The following TMEM163 variants were observed in gnomAD, a reference collection of about 807,000 sequenced individuals.
The protein encoded by TMEM163 is transmembrane protein 163.
Under a neutral mutation model 29.3 loss-of-function variants are expected in TMEM163, and 17 were observed. The ratio of observed to expected loss-of-function variants is 0.58; its 90% CI spans 0.40 to 0.87. The LOEUF (loss-of-function observed/expected upper bound fraction) is 0.87. Ranked by LOEUF, TMEM163 falls within the 40% of genes least tolerant of loss-of-function variation. The pLI is 0.00. For synonymous variants in TMEM163, 157 were observed against 160.6 expected (o/e 0.98, Z 0.17); for missense variants, 303 against 381.5 (o/e 0.79, Z 1.71).
rs11683578 is a variant in TMEM163 at position 134,635,388 on chromosome 2, G to A, written c.322+77812C>T. Reference sequence around the variant, plus strand: ...GCCCCCTTAAAATATCTCCTACTTCGTTTGCTAAAGGAATAGCAATTCATC... The same window carrying A: ...GCCCCCTTAAAATATCTCCTACTTCATTTGCTAAAGGAATAGCAATTCATC... On this transcript the variant is annotated intron_variant, in intron 2 of 7. Coordinates refer to ENST00000281924, the MANE Select transcript of TMEM163 (RefSeq NM_030923.5). 5.1e-4 allele frequency among the ~76,000 whole-genome samples: 78 copies of A among 152,202 alleles called. 1 individual carries two copies. In the East Asian group the frequency reaches 0.014, roughly 27 times the overall value.
At chr2:134,651,956 T>C (rs1172055777) in intron 2 of TMEM163, among the ~76,000 whole-genome samples, 2 of 116,724 alleles carry the variant, frequency 1.7e-5, no homozygotes, top group Non-Finnish European at 3.4e-5. Context: ...AGCCTTGTAG[T>C]ATAGTTTGAA....
intron 5 of TMEM163, among the ~76,000 whole-genome samples, chr2:134,485,316 G>A (rs1348880851): frequency 6.6e-6 from 1 of 152,212 alleles, no homozygotes; most frequent in East Asian, 1.9e-4. Flanking sequence ...TGTACTGAAT[G>A]TGAAAAACAG....
At chr2:134,643,270 A>C (rs1323469521) in intron 2 of TMEM163, among the ~76,000 whole-genome samples, 1 of 152,120 alleles carries the variant, frequency 6.6e-6, no homozygotes, top group Non-Finnish European at 1.5e-5. Flanking sequence ...CTAAACTACC[A>C]AACTTTACTC....
intron 2 of TMEM163, among the ~76,000 whole-genome samples, chr2:134,652,031 C>G (rs1447189213): frequency 7.3e-6 from 1 of 137,890 alleles, no homozygotes; most frequent in Non-Finnish European, 1.5e-5. Context: ...GATGCGGGCT[C>G]TTTTTTGGTT....
At position 134,637,999 on chromosome 2, in the gene TMEM163, G is replaced by C. The variant is rs188787226; in HGVS notation, c.322+75201C>G. On this transcript the variant is annotated intron_variant, in intron 2 of 7. Transcript: ENST00000281924. The stretch of plus-strand genomic sequence containing the variant: ...GACTTAATGTGCATGGCTTAAAAAA[G>C]TAAACTGCACAAAACAGGGTTAAGT... Among the ~76,000 whole-genome samples the C allele has an allele frequency of 1.4e-4, 22 of 152,238 alleles. 1 individual carries two copies. Among genetic ancestry groups the C allele is most frequent in the Admixed American group, 1.2e-3 (18 of 15,296 alleles).
intron 2 of TMEM163, among the ~76,000 whole-genome samples, chr2:134,638,872 TG>T (rs1558973679): frequency 1.3e-5 from 2 of 152,198 alleles, no homozygotes; most frequent in African/African-American, 2.4e-5. Flanking sequence ...GAAATGTTTA[TG>T]GGACAACCAG....
At chr2:134,707,503 C>A (rs4954168) in intron 2 of TMEM163, among the ~76,000 whole-genome samples, 1 of 151,988 alleles carries the variant, frequency 6.6e-6, no homozygotes, top group African/African-American at 2.4e-5. Flanking sequence ...AATAAATACA[C>A]GACCAGCAAA....
chr2:134,585,411 G>A (rs1558953973), intron 2 of TMEM163, among the ~76,000 whole-genome samples: 1 of 152,168 alleles, frequency 6.6e-6, no homozygotes, highest in South Asian at 2.1e-4. Flanking sequence ...TTTCCTCTTA[G>A]AGGGTTGTTG....
At chr2:134,621,105 A>G (rs1387189065) in intron 2 of TMEM163, among the ~76,000 whole-genome samples, 2 of 152,254 alleles carry the variant, frequency 1.3e-5, no homozygotes, top group African/African-American at 4.8e-5. Context: ...CATCCAGAAT[A>G]TATATCCCTC....
At chr2:134,580,256 C>A (rs1480140800) in intron 2 of TMEM163, among the ~76,000 whole-genome samples, 1 of 152,170 alleles carries the variant, frequency 6.6e-6, no homozygotes, top group African/African-American at 2.4e-5. Context: ...TCATTAAGGG[C>A]TGAAGATTAA....
intron 2 of TMEM163, among the ~76,000 whole-genome samples, chr2:134,646,074 T>C (rs1156364137): frequency 6.6e-6 from 1 of 152,008 alleles, no homozygotes; most frequent in Non-Finnish European, 1.5e-5. Context: ...AGTCTCAATG[T>C]GTAACTTGCG....
At chr2:134,458,623 T>C in intron 6 of TMEM163, 1 of 164,738 alleles carries the variant, frequency 6.1e-6, no homozygotes, top group Admixed American at 5.7e-5. Flanking sequence ...TGGTTACCTA[T>C]AACCTTTCTC....
At chr2:134,595,528 G>T (rs1044423498) in intron 2 of TMEM163, among the ~76,000 whole-genome samples, 1 of 152,084 alleles carries the variant, frequency 6.6e-6, no homozygotes, top group Non-Finnish European at 1.5e-5. Flanking sequence ...TTGGACATTT[G>T]GGTTGGTTCC....
intron 2 of TMEM163, among the ~76,000 whole-genome samples, chr2:134,575,092 T>A (rs1017092583): frequency 6.6e-6 from 1 of 151,642 alleles, no homozygotes; most frequent in African/African-American, 2.4e-5. Context: ...GCATGCAAAA[T>A]GGGAGGCCAG....
rs1684914925 is a variant in TMEM163, at chr2:134,711,019, G to GT, written c.322+2180dup. Among the ~76,000 whole-genome samples, 3 of 152,178 alleles carry GT rather than the reference G, an allele frequency of 2.0e-5. No homozygotes were observed. The South Asian group carries it at 6.2e-4, about 32-fold the overall frequency. On this transcript the variant is annotated intron_variant, in intron 2 of 7. Coordinates refer to ENST00000281924, the MANE Select transcript of TMEM163 (RefSeq NM_030923.5). The stretch of plus-strand genomic sequence containing the variant: ...CCTTCCTTGAAGAGTAGGACTGGGA[G>GT]TTTTTTGACACTTTACAAAAACCTT...
At chr2:134,607,050 C>T (rs1682390493) in intron 2 of TMEM163, among the ~76,000 whole-genome samples, 1 of 135,288 alleles carries the variant, frequency 7.4e-6, no homozygotes, top group African/African-American at 2.8e-5. Context: ...GGACAGACCC[C>T]GAGAACTGTG....
chr2:134,710,553 T>C (rs1435799430), intron 2 of TMEM163, among the ~76,000 whole-genome samples: 2 of 152,052 alleles, frequency 1.3e-5, no homozygotes. Context: ...TTGTAATTGT[T>C]TATAAAATAA....
At chr2:134,536,361 G>A (rs1468842186) in intron 4 of TMEM163, among the ~76,000 whole-genome samples, 1 of 152,184 alleles carries the variant, frequency 6.6e-6, no homozygotes, top group African/African-American at 2.4e-5. Flanking sequence ...ACACCCCGGT[G>A]GCAGTGACTG....
At chr2:134,462,127 A>C (rs1686555304) in intron 6 of TMEM163, among the ~76,000 whole-genome samples, 1 of 150,856 alleles carries the variant, frequency 6.6e-6, no homozygotes, top group African/African-American at 2.5e-5. Context: ...CCCTGGGAAC[A>C]GGCTCGGGGG....
Sources: allele counts gnomAD v4.1 joint callset (sites outside exome capture counted in the v4.1 genomes callset), GRCh38; gene constraint gnomAD v4.1.1; transcripts MANE v1.5; gene names NCBI Gene and HGNC (gene_info 2026-07-23, HGNC 2026-07-21).